The following LRRC37A variants were observed in gnomAD, a reference collection of about 807,000 sequenced individuals.
LRRC37A encodes the protein leucine-rich repeat-containing protein 37A.
A neutral mutation model predicts 35.4 loss-of-function variants in LRRC37A; 3 were observed. The observed-to-expected ratio is 0.08, with a 90% confidence interval of 0.04 to 0.22. The LOEUF is 0.22. LRRC37A is among the 10% of genes least tolerant of loss of function. The pLI, the probability that LRRC37A is intolerant of heterozygous loss-of-function variation, is 1.00. For missense variants in LRRC37A, 67 were observed against 565.3 expected (o/e 0.12, Z 8.94); for synonymous variants, 23 against 215.0 (o/e 0.11, Z 7.81).
the LRRC37A span, among the ~76,000 whole-genome samples, chr17:46,278,374 TTGTTTTGTTC>T: frequency 2.1e-4 from 32 of 151,298 alleles, no homozygotes; most frequent in Non-Finnish European, 3.4e-4. Flanking sequence ...CTTTTTTGTT[TTGTTTTGTTC>T]TGTTTTGTTT....
At chr17:46,260,706 C>G in the LRRC37A span, 1 of 990,426 alleles carries the variant, frequency 1.0e-6, no homozygotes, top group Non-Finnish European at 1.5e-6. Context: ...TCACCGCAAC[C>G]TCCGCCTCCC....
chr17:46,270,898 T>C, the LRRC37A span, among the ~76,000 whole-genome samples: 1 of 152,364 alleles, frequency 6.6e-6, no homozygotes, highest in South Asian at 2.1e-4. Flanking sequence ...AGACTCTGTC[T>C]GAAACAACAA....
At chr17:46,283,819 G>T in the LRRC37A span, among the ~76,000 whole-genome samples, 2 of 150,794 alleles carry the variant, frequency 1.3e-5, no homozygotes, top group South Asian at 2.1e-4. Context: ...TCGGAGAGGG[G>T]GATGTGTCAG....
In LRRC37A at chr17:46,323,436, G is replaced by A. The variant is rs562194832; in HGVS notation, c.3053+409G>A. Among the ~76,000 whole-genome samples, 18 of 99,046 alleles carry A rather than the reference G, an allele frequency of 1.8e-4. 6 individuals are homozygous for A. Among genetic ancestry groups the A allele is most frequent in the African/African-American group, 4.5e-4 (14 of 30,806 alleles). The allele number at this position is 99,046 out of a possible 152,430, so 65.0% of individuals were successfully genotyped here. On this transcript the variant is annotated intron_variant, in intron 7 of 13. Transcript: ENST00000320254. ...TTTTGAAATGGAATCTCACTCTGTCGCCCAGGCTGCAGTGCAGCGGCATGA... is the reference window on the plus strand; with the variant it reads ...TTTTGAAATGGAATCTCACTCTGTCACCCAGGCTGCAGTGCAGCGGCATGA...
At chr17:46,253,233 G>A in the LRRC37A span, among the ~76,000 whole-genome samples, 2 of 126,008 alleles carry the variant, frequency 1.6e-5, no homozygotes, top group Non-Finnish European at 3.8e-5. Context: ...GACGATGGGC[G>A]GCCGGGCAGA....
chr17:46,287,287 A>G, the LRRC37A span, among the ~76,000 whole-genome samples: 7,603 of 132,260 alleles, frequency 0.057, no homozygotes, highest in Non-Finnish European at 0.093. Context: ...TGTGTGCAAA[A>G]CTGTAACAGG....
chr17:46,288,704 TTC>T (rs2049985943), upstream of LRRC37A, among the ~76,000 whole-genome samples: 126 of 148,818 alleles, frequency 8.5e-4, no homozygotes, highest in African/African-American at 2.7e-3. Context: ...ATCTTGTTTT[TTC>T]TTTTTTTTTT....
At chr17:46,270,334 A>T in the LRRC37A span, among the ~76,000 whole-genome samples, 1 of 152,232 alleles carries the variant, frequency 6.6e-6, no homozygotes, top group Admixed American at 6.5e-5. Context: ...ACCTGATACT[A>T]TTATTTGTTC....
chr17:46,283,814 G>T, the LRRC37A span, among the ~76,000 whole-genome samples: 43 of 152,362 alleles, frequency 2.8e-4, no homozygotes, highest in African/African-American at 9.6e-4. Context: ...GTTTCTCGGA[G>T]AGGGGGATGT....
the LRRC37A span, among the ~76,000 whole-genome samples, chr17:46,259,019 ATTT>A: frequency 1.8e-3 from 146 of 79,422 alleles, no homozygotes; most frequent in African/African-American, 2.5e-3. Flanking sequence ...CACCCGGCCT[ATTT>A]TTTTTTTTTT....
chr17:46,283,990 C>T, the LRRC37A span, among the ~76,000 whole-genome samples: 2 of 152,266 alleles, frequency 1.3e-5, no homozygotes, highest in African/African-American at 4.8e-5. Context: ...CGTGTCCCAC[C>T]TCCAGCCCTA....
the LRRC37A span, among the ~76,000 whole-genome samples, chr17:46,264,146 C>CTT: frequency 2.8e-4 from 39 of 138,770 alleles, no homozygotes; most frequent in African/African-American, 5.4e-4. Flanking sequence ...CCTCAGCTGA[C>CTT]TTTTTTTTTT....
At chr17:46,276,618 T>C in the LRRC37A span, among the ~76,000 whole-genome samples, 1 of 152,126 alleles carries the variant, frequency 6.6e-6, no homozygotes, top group Non-Finnish European at 1.5e-5. Context: ...TAAATTACAA[T>C]GGGAAAATAT....
chr17:46,266,928 G>T, the LRRC37A span: 1 of 186,518 alleles, frequency 5.4e-6, no homozygotes, highest in South Asian at 1.7e-4. Flanking sequence ...CCCGCCGCCC[G>T]GCCGCGCGCG....
the LRRC37A span, among the ~76,000 whole-genome samples, chr17:46,266,055 A>C: frequency 1.3e-5 from 2 of 152,196 alleles, no homozygotes; most frequent in Non-Finnish European, 2.9e-5. Flanking sequence ...TGTCATATAT[A>C]ATGAAACAGT....
the LRRC37A span, among the ~76,000 whole-genome samples, chr17:46,286,519 G>T: frequency 0.13 from 19,836 of 151,830 alleles, 26 homozygotes; most frequent in Middle Eastern, 0.2. Flanking sequence ...AGTCAAGCTA[G>T]TTTAATCTCA....
the LRRC37A span, among the ~76,000 whole-genome samples, chr17:46,280,195 C>T: frequency 6.6e-6 from 1 of 151,990 alleles, no homozygotes; most frequent in South Asian, 2.1e-4. Flanking sequence ...AAAACCCCAT[C>T]CCTACTAAAA....
the LRRC37A span, among the ~76,000 whole-genome samples, chr17:46,270,685 G>T: frequency 6.6e-6 from 1 of 152,190 alleles, no homozygotes; most frequent in African/African-American, 2.4e-5. Flanking sequence ...AAGGCGGGTG[G>T]ATCACAAGGT....
the LRRC37A span, among the ~76,000 whole-genome samples, chr17:46,266,394 C>G: frequency 6.6e-6 from 1 of 152,292 alleles, no homozygotes; most frequent in East Asian, 1.9e-4. Flanking sequence ...GACAGACATT[C>G]TCGGGGACAA....
Sources: allele counts gnomAD v4.1 joint callset (sites outside exome capture counted in the v4.1 genomes callset), GRCh38; gene constraint gnomAD v4.1.1; transcripts MANE v1.5; gene names NCBI Gene and HGNC (gene_info 2026-07-23, HGNC 2026-07-21).